Variants in SLIT2 observed in about 807,000 individuals in gnomAD.
SLIT2 encodes slit homolog 2 protein.
A neutral mutation model predicts 185.7 loss-of-function variants in SLIT2; 41 were observed. That is an observed-to-expected ratio of 0.22 (90% CI 0.17 to 0.29). The LOEUF is 0.29. Among genes scored for constraint, SLIT2 ranks in the 10% least tolerant of loss-of-function variants. The pLI is 1.00. For synonymous variants in SLIT2, 693 were observed against 680.2 expected, an observed-to-expected ratio of 1.02 and a Z score of -0.29; for missense variants, 1,571 against 1,909.0, an observed-to-expected ratio of 0.82 and a Z score of 3.30.
At chr4:20,459,688 G>A (rs1577696865) in intron 4 of SLIT2, among the ~76,000 whole-genome samples, 1 of 152,064 alleles carries the variant, frequency 6.6e-6, no homozygotes, top group East Asian at 1.9e-4. Context: ...CTCCTCTCCT[G>A]TGTTGCCTTG....
chr4:20,449,744 A>G (rs1712260878), intron 4 of SLIT2, among the ~76,000 whole-genome samples: 1 of 152,198 alleles, frequency 6.6e-6, no homozygotes, highest in South Asian at 2.1e-4. Context: ...GCTTAAAAAA[A>G]TAGAACATCA....
intron 4 of SLIT2, among the ~76,000 whole-genome samples, chr4:20,387,382 A>C (rs989943471): frequency 4.7e-5 from 7 of 150,126 alleles, no homozygotes; most frequent in African/African-American, 1.7e-4. Context: ...TAACATATTC[A>C]TATAAAAATA....
intron 17 of SLIT2, among the ~76,000 whole-genome samples, chr4:20,533,010 A>G (rs1472127450): frequency 6.6e-6 from 1 of 152,180 alleles, no homozygotes; most frequent in Non-Finnish European, 1.5e-5. Flanking sequence ...AGTTGACCTC[A>G]ACTAGATACT....
intron 5 of SLIT2, among the ~76,000 whole-genome samples, chr4:20,480,147 G>A (rs570362133): frequency 6.6e-6 from 1 of 152,256 alleles, no homozygotes; most frequent in Admixed American, 6.5e-5. Context: ...TTTCTAAAGT[G>A]TATTTCTGGT....
intron 4 of SLIT2, among the ~76,000 whole-genome samples, chr4:20,390,726 G>A (rs1237084943): frequency 6.6e-6 from 1 of 151,008 alleles, no homozygotes; most frequent in Non-Finnish European, 1.5e-5. Flanking sequence ...ATTTTTCAAA[G>A]TCATTATTTT....
At chr4:20,333,890 C>G (rs779126998) in intron 4 of SLIT2, among the ~76,000 whole-genome samples, 2 of 152,106 alleles carry the variant, frequency 1.3e-5, no homozygotes, top group Non-Finnish European at 2.9e-5. Flanking sequence ...AAATGTTTGT[C>G]AATTGCATTT....
At chr4:20,558,367 A>T (rs1248962572) in intron 26 of SLIT2, among the ~76,000 whole-genome samples, 5 of 152,038 alleles carry the variant, frequency 3.3e-5, no homozygotes, top group Admixed American at 6.6e-5. Flanking sequence ...CCAGCCACTA[A>T]CTCCAAGGAG....
At chr4:20,611,751 C>A (rs912505671) in intron 34 of SLIT2, among the ~76,000 whole-genome samples, 3 of 152,146 alleles carry the variant, frequency 2.0e-5, no homozygotes, top group Non-Finnish European at 4.4e-5. Context: ...CCTTTTATAG[C>A]CTTAATGTGC....
intron 9 of SLIT2, among the ~76,000 whole-genome samples, chr4:20,496,751 G>A (rs1312450507): frequency 6.6e-6 from 1 of 152,060 alleles, no homozygotes; most frequent in African/African-American, 2.4e-5. Flanking sequence ...TAGTACCTTG[G>A]CACATAGTAG....
intron 29 of SLIT2, 54 bp from the exon 30 acceptor site, chr4:20,589,590 G>A (rs1030879091): frequency 1.5e-6 from 2 of 1,304,838 alleles, no homozygotes; most frequent in East Asian, 2.3e-5. Context: ...CAGTCTGCTG[G>A]CAGGAAGCCT....
chr4:20,581,039 C>T (rs1726519260), intron 29 of SLIT2, among the ~76,000 whole-genome samples: 1 of 152,190 alleles, frequency 6.6e-6, no homozygotes, highest in Non-Finnish European at 1.5e-5. Flanking sequence ...TTGGAATTTA[C>T]TACCTGTATT....
intron 2 of SLIT2, 78 bp downstream of exon 2, chr4:20,256,821 A>G: frequency 1.5e-6 from 1 of 676,122 alleles, no homozygotes; most frequent in Non-Finnish European, 2.6e-6. Context: ...AGTTTTTATG[A>G]CTATTCTGAT....
intron 21 of SLIT2, among the ~76,000 whole-genome samples, chr4:20,543,839 A>T (rs1168214340): frequency 5.9e-5 from 9 of 152,208 alleles, no homozygotes; most frequent in African/African-American, 1.9e-4. Flanking sequence ...CACATTGGTT[A>T]ATCAACTGGA....
chr4:20,615,261 C>T (rs894519969), intron 34 of SLIT2: 2 of 152,150 alleles, frequency 1.3e-5, no homozygotes. Flanking sequence ...TCCTTTTGAC[C>T]CTGCTCTAGA....
intron 27 of SLIT2, 49 bp downstream of exon 27, chr4:20,567,435 TG>T: frequency 6.2e-7 from 1 of 1,612,094 alleles, no homozygotes; most frequent in Non-Finnish European, 8.5e-7. Flanking sequence ...TAACTTTTCT[TG>T]GTGTGCCTTT....
At chr4:20,458,264 C>A (rs939705283) in intron 4 of SLIT2, among the ~76,000 whole-genome samples, 1 of 152,058 alleles carries the variant, frequency 6.6e-6, no homozygotes, top group Admixed American at 6.6e-5. Context: ...CTCCTTTGTC[C>A]AGAGAGTGTA....
intron 3 of SLIT2, among the ~76,000 whole-genome samples, chr4:20,263,703 T>C (rs1266692907): frequency 6.6e-6 from 1 of 151,864 alleles, no homozygotes; most frequent in Non-Finnish European, 1.5e-5. Context: ...CTTTCAAAAC[T>C]TCAATTTCCT....
intron 4 of SLIT2, among the ~76,000 whole-genome samples, chr4:20,414,835 A>T (rs1727530322): frequency 6.6e-6 from 1 of 152,080 alleles, no homozygotes; most frequent in East Asian, 1.9e-4. Flanking sequence ...ATTGTCTATG[A>T]TGGGTCTGTG....
intron 4 of SLIT2, among the ~76,000 whole-genome samples, chr4:20,458,106 A>AAAAAAG (rs1713292005): frequency 6.7e-6 from 1 of 148,662 alleles, no homozygotes; most frequent in African/African-American, 2.5e-5. Context: ...AAAAAAAAAA[A>AAAAAAG]GAGGTTTTAG....
Sources: gnomAD v4.1 joint callset for allele counts (sites outside exome capture counted in the v4.1 genomes callset) on GRCh38, gnomAD v4.1.1 for gene constraint, MANE v1.5 for transcripts, NCBI Gene and HGNC (gene_info 2026-07-23, HGNC 2026-07-21) for gene names.